The following RPS6KA6 variants were observed in gnomAD, a reference collection of about 807,000 sequenced individuals.
RPS6KA6 encodes the protein ribosomal protein S6 kinase A6, also known as ribosomal protein S6 kinase alpha-6.
In RPS6KA6, 27 loss-of-function variants were observed where a neutral mutation model predicts 65.4. The ratio of observed to expected loss-of-function variants is 0.41; its 90% CI spans 0.30 to 0.57. The LOEUF (loss-of-function observed/expected upper bound fraction) is 0.57, where lower values mean the gene tolerates loss of function less well. RPS6KA6 is among the 20% of genes least tolerant of loss of function. The probability of loss-of-function intolerance (pLI) is 0.24; values close to 1 mark genes in which losing one functional copy is unlikely to be tolerated. For synonymous variants in RPS6KA6, 190 were observed against 184.2 expected (o/e 1.03, Z -0.26); for missense variants, 486 against 555.6 (o/e 0.87, Z 1.26).
At position 84,096,248 on chromosome X, in the gene RPS6KA6, A is replaced by G; in HGVS notation, c.1917T>C (p.Asn639=). The change falls in exon 20 of 22, where the codon AAT becomes AAC. Residue 639 remains asparagine, a synonymous_variant. Coordinates refer to ENST00000262752, the MANE Select transcript of RPS6KA6 (RefSeq NM_014496.5). ...TPEEILLRIG[N]GKFSLSGGNW... is the part of the protein sequence containing the mutation. ...TTCCACCACTCAAAGAGAATTTTCC[A>G]TTGCCTATACGCAGCAGTATCTCTT... 8.3e-7 allele frequency: 1 copy of G among 1,202,358 alleles called. No homozygotes were observed. The highest frequency in any genetic ancestry group is 1.1e-6 in the Non-Finnish European group (1 of 887,798).
In RPS6KA6 at chrX:84,164,266, C is replaced by G. The variant is rs2035563248; in HGVS notation, c.141+62G>C. On this transcript the variant is annotated intron_variant, in intron 2 of 21. Transcript: ENST00000262752. ...TGTTTGATAGGAGCTTTTCTCCTTT[C>G]CCTGTATTCTTTTTCCTTATATGCT... 3.5e-6 allele frequency: 3 copies of G among 851,086 alleles called. No homozygotes were observed. In the South Asian group the frequency reaches 6.5e-5, roughly 18 times the overall value. 70.1% of individuals were successfully genotyped at this position (851,086 alleles called of 1,213,427 possible). A position where few individuals can be genotyped will look rare whatever the true frequency, so the allele number is the denominator to read the frequency against.
At chrX:84,093,710 A>AT (rs746221874) in intron 20 of RPS6KA6, among the ~76,000 whole-genome samples, 89 of 111,201 alleles carry the variant, frequency 8.0e-4, no homozygotes, top group African/African-American at 2.1e-3. Context: ...ATTTCAGCAG[A>AT]TTTTTTTTTG....
chrX:84,133,084 C>G (rs1490089762), intron 8 of RPS6KA6, among the ~76,000 whole-genome samples: 1 of 111,854 alleles, frequency 8.9e-6, no homozygotes, highest in African/African-American at 3.2e-5. Context: ...CCCATTTATG[C>G]CTAGTGTTCC....
chrX:84,123,451 C>G (rs1280500139), intron 8 of RPS6KA6, among the ~76,000 whole-genome samples: 2 of 112,502 alleles, frequency 1.8e-5, no homozygotes, highest in South Asian at 3.7e-4. Flanking sequence ...ATATGGGAGC[C>G]CAGTGCTCTG....
intron 1 of RPS6KA6, among the ~76,000 whole-genome samples, chrX:84,170,985 T>C (rs2035674267): frequency 9.0e-6 from 1 of 111,479 alleles, no homozygotes. Flanking sequence ...ACTGTGGCCA[T>C]CCTCTAGGAA....
intron 1 of RPS6KA6, among the ~76,000 whole-genome samples, chrX:84,172,971 A>C (rs1569244228): frequency 1.8e-5 from 2 of 110,928 alleles, no homozygotes; most frequent in African/African-American, 6.5e-5. Flanking sequence ...AAAGGGGAGA[A>C]TGGAAAGCTT....
chrX:84,186,226 C>G (rs2035926280), intron 1 of RPS6KA6: 1 of 423,853 alleles, frequency 2.4e-6, no homozygotes, highest in East Asian at 4.1e-5. Flanking sequence ...ATACTACATT[C>G]AAAGTTAACA....
chrX:84,064,946 G>A, intron 21 of RPS6KA6, 25 bp downstream of exon 21: 1 of 1,179,244 alleles, frequency 8.5e-7, no homozygotes. Flanking sequence ...TATCTCGAAG[G>A]CACATAAAAG....
At position 84,148,252 on chromosome X, in the gene RPS6KA6, T is replaced by C. The variant is rs2035236046; in HGVS notation, c.259-129A>G. 5 of 394,037 alleles carry C rather than the reference T, an allele frequency of 1.3e-5. No individual in the cohort carries two copies. The South Asian group carries it at 3.0e-4, about 24-fold the overall frequency. The allele number at this position is 394,037 out of a possible 1,213,427, so 32.5% of individuals were successfully genotyped here. A position where few individuals can be genotyped will look rare whatever the true frequency, so the allele number is the denominator to read the frequency against. ...AATTTTATAAACATATGCCTTCCCA[T>C]AGAGGGAAGGGAGAGATAGTGAGAG... On this transcript the variant is annotated intron_variant, in intron 3 of 21. Transcript: ENST00000262752.
chrX:84,069,173 G>A (rs1385016123), intron 20 of RPS6KA6, among the ~76,000 whole-genome samples: 1 of 111,703 alleles, frequency 9.0e-6, no homozygotes, highest in East Asian at 2.8e-4. Flanking sequence ...ATACTACAAG[G>A]CTACAGTAAC....
At chrX:84,136,820 AG>A (rs1258197485) in intron 6 of RPS6KA6, among the ~76,000 whole-genome samples, 1 of 111,162 alleles carries the variant, frequency 9.0e-6, no homozygotes, top group Non-Finnish European at 1.9e-5. Context: ...GGTAGGTATT[AG>A]GAACACCTTG....
intron 8 of RPS6KA6, among the ~76,000 whole-genome samples, chrX:84,121,543 T>C (rs2034671467): frequency 8.9e-6 from 1 of 112,327 alleles, no homozygotes; most frequent in African/African-American, 3.2e-5. Context: ...ATAAGTTCTG[T>C]GGTTTATATA....
intron 20 of RPS6KA6, among the ~76,000 whole-genome samples, chrX:84,078,827 G>T (rs1014348123): frequency 1.8e-5 from 2 of 111,127 alleles, no homozygotes; most frequent in Admixed American, 9.6e-5. Context: ...TTACAAAACA[G>T]CATGAGGAAA....
At chrX:84,168,384 T>C (rs747888949) in intron 1 of RPS6KA6, among the ~76,000 whole-genome samples, 2 of 111,479 alleles carry the variant, frequency 1.8e-5, no homozygotes, top group African/African-American at 6.5e-5. Context: ...CTCTCAAAAA[T>C]AACCAATACA....
At chrX:84,112,577 G>A (rs1210002503) in intron 12 of RPS6KA6, among the ~76,000 whole-genome samples, 2 of 111,712 alleles carry the variant, frequency 1.8e-5, no homozygotes, top group Non-Finnish European at 3.8e-5. Context: ...TGACTTTTGG[G>A]TGAACAACAA....
intron 9 of RPS6KA6, among the ~76,000 whole-genome samples, chrX:84,119,562 A>G (rs764432253): frequency 5.9e-4 from 66 of 111,764 alleles, no homozygotes; most frequent in African/African-American, 2.1e-3. Context: ...GTTCTGTAAC[A>G]TTCAATTAAA....
chrX:84,078,312 C>A (rs2033704597), intron 20 of RPS6KA6, among the ~76,000 whole-genome samples: 1 of 111,720 alleles, frequency 9.0e-6, no homozygotes, highest in Non-Finnish European at 1.9e-5. Flanking sequence ...TCCAGTGTTG[C>A]CAAAGATGTG....
intron 1 of RPS6KA6, chrX:84,187,513 G>A: frequency 4.3e-6 from 1 of 234,461 alleles, no homozygotes; most frequent in Non-Finnish European, 7.6e-6. Context: ...CACCCCGCCA[G>A]TCCCCCAGTT....
chrX:84,112,721 G>T (rs1349134711), intron 12 of RPS6KA6, among the ~76,000 whole-genome samples: 5 of 111,891 alleles, frequency 4.5e-5, no homozygotes, highest in African/African-American at 1.6e-4. Context: ...AACACAGAAA[G>T]ATCTCAAATC....
Sources: allele counts gnomAD v4.1 joint callset (sites outside exome capture counted in the v4.1 genomes callset), GRCh38; gene constraint gnomAD v4.1.1; transcripts MANE v1.5; gene names NCBI Gene and HGNC (gene_info 2026-07-23, HGNC 2026-07-21).